Variants in RGS3 observed in about 807,000 individuals in gnomAD.
RGS3 encodes the protein regulator of G protein signaling 3.
In RGS3, 80 loss-of-function variants were observed where a neutral mutation model predicts 132.6. The observed-to-expected ratio is 0.60, with a 90% CI of 0.50 to 0.73. The LOEUF (loss-of-function observed/expected upper bound fraction) is 0.73. RGS3 is among the 30% of genes least tolerant of loss of function. RGS3 has a pLI of 0.00. For synonymous variants in RGS3, 598 were observed against 620.6 expected, an observed-to-expected ratio of 0.96 and a Z score of 0.54; for missense variants, 1,382 against 1,530.8, an observed-to-expected ratio of 0.90 and a Z score of 1.62.
rs997988415 is a variant in RGS3 at position 113,547,354 on chromosome 9, T to G, written c.2037+10436T>G. Among the ~76,000 whole-genome samples the G allele has an allele frequency of 2.0e-5, 3 of 151,956 alleles. No homozygotes were observed. The South Asian group carries it at 6.2e-4, about 32-fold the overall frequency. The stretch of plus-strand genomic sequence containing the variant: ...ATAGGTATATTTAGACAGAAAGGGG[T>G]CCTCATCACAGACACCCAAATTATG... On this transcript the variant is annotated intron_variant, in intron 19 of 24. Transcript: ENST00000350696.
At chr9:113,477,154 G>A (rs1160234093) in intron 3 of RGS3, among the ~76,000 whole-genome samples, 1 of 152,008 alleles carries the variant, frequency 6.6e-6, no homozygotes, top group Non-Finnish European at 1.5e-5. Context: ...TTCTCCCGGC[G>A]CCTTTCATCC....
upstream of RGS3, among the ~76,000 whole-genome samples, chr9:113,457,180 T>A (rs1829382500): frequency 6.6e-6 from 1 of 152,244 alleles, no homozygotes; most frequent in Admixed American, 6.5e-5. Context: ...ACATTTCCCA[T>A]TGTTCAGTTC....
intron 17 of RGS3, among the ~76,000 whole-genome samples, chr9:113,527,848 A>G (rs1200326550): frequency 6.6e-6 from 1 of 152,180 alleles, no homozygotes; most frequent in Non-Finnish European, 1.5e-5. Context: ...GTATGTGTTA[A>G]GGGTTCTACC....
chr9:113,530,913 G>A (rs553983593), intron 18 of RGS3, among the ~76,000 whole-genome samples: 4 of 152,168 alleles, frequency 2.6e-5, no homozygotes, highest in Non-Finnish European at 5.9e-5. Context: ...CTCTTAACAT[G>A]GGTGGTTTTG....
chr9:113,596,848 G>A, exon 25 of RGS3: 2 of 1,613,870 alleles, frequency 1.2e-6, no homozygotes, highest in East Asian at 2.2e-5. Context: ...ACCTGGCACA[G>A]AAGCGCATCT....
intron 3 of RGS3, among the ~76,000 whole-genome samples, chr9:113,465,874 G>A (rs1463328711): frequency 1.3e-5 from 2 of 152,182 alleles, no homozygotes; most frequent in African/African-American, 2.4e-5. Flanking sequence ...ATTCTCTCCT[G>A]TTTCCTGCAC....
intron 3 of RGS3, among the ~76,000 whole-genome samples, chr9:113,475,783 T>TG (rs140448594): frequency 3.3e-3 from 494 of 151,386 alleles, no homozygotes; most frequent in African/African-American, 8.7e-3. Flanking sequence ...GGAGGTTGGG[T>TG]GGGGGGGGTG....
Position 113,463,784 on chromosome 9 carries a change from C to A in RGS3, c.415+1583C>A. 4 of 1,601,726 alleles carry A rather than the reference C, an allele frequency of 2.5e-6. No individual in the cohort carries two copies. Among genetic ancestry groups the A allele is most frequent in the Non-Finnish European group, 3.4e-6 (4 of 1,175,076 alleles). ...GCCTCGGGTTGCAGACGCTCCTGTC[C>A]GGGTCGCAGTGGGACGCCATGGAGC... On this transcript the variant is annotated intron_variant, in intron 3 of 24. Coordinates refer to ENST00000350696, the Ensembl canonical transcript of RGS3. The surrounding 1 kb of genome is among the most constrained non-coding windows in gnomAD (Gnocchi z 4.6).
chr9:113,528,302 G>T (rs1364904463), intron 17 of RGS3, among the ~76,000 whole-genome samples: 1 of 152,226 alleles, frequency 6.6e-6, no homozygotes, highest in African/African-American at 2.4e-5. Flanking sequence ...AGTGACCTAA[G>T]CGGGAGTGCT....
chr9:113,480,810 C>A (rs1402582066), intron 4 of RGS3, among the ~76,000 whole-genome samples: 2 of 152,218 alleles, frequency 1.3e-5, no homozygotes, highest in African/African-American at 4.8e-5. Flanking sequence ...TTTGTCTGTC[C>A]ATGTGTCCAT....
chr9:113,513,923 G>C (rs1194478017), intron 14 of RGS3, among the ~76,000 whole-genome samples: 1 of 152,180 alleles, frequency 6.6e-6, no homozygotes, highest in East Asian at 1.9e-4. Context: ...GTGGGGCAGG[G>C]AGGGAGGAAA....
At position 113,596,880 on chromosome 9, in the gene RGS3, C is replaced by T; in HGVS notation, c.3524C>T (p.Ser1175Leu). ...ATCTTCGGGCTCATGGAAAAGGACT[C>T]GTACCCTCGCTTTCTCCGTTCTGAC... Residue 1175 changes from serine (S) to leucine (L), a missense_variant, in exon 25 of 25, where the codon TCG becomes TTG. Transcript: ENST00000350696. 2.5e-6 allele frequency: 4 copies of T among 1,613,854 alleles called. No individual in the cohort carries two copies. Among genetic ancestry groups the T allele is most frequent in the Non-Finnish European group, 3.4e-6 (4 of 1,179,992 alleles).
rs550086078 is a variant in RGS3 at position 113,512,526 on chromosome 9, T to G, written c.1478-1932T>G. ...GTCAACTTGTTTTTCTTACCTTGCT[T>G]GGTGAGAAGGGGCTGGGGGTGGGAG... On this transcript the variant is annotated intron_variant, in intron 14 of 24. Transcript: ENST00000350696. Among the ~76,000 whole-genome samples the G allele has an allele frequency of 7.9e-5, 12 of 151,938 alleles. No individual in the cohort carries two copies. The South Asian group carries it at 2.3e-3, about 29-fold the overall frequency.
upstream of RGS3, chr9:113,460,198 A>T: frequency 1.6e-6 from 2 of 1,218,822 alleles, no homozygotes; most frequent in Non-Finnish European, 2.1e-6. Context: ...TTTGAGGATA[A>T]ATTTCACCTT....
rs969750761 is a variant in RGS3, at chr9:113,514,383, C to A, written c.1478-75C>A. ...GGTTGTTGACGGAATGAGTCCGTGTCCCCTGTTTCTACAGAGGGGACACCT... is the reference window on the plus strand; with the variant it reads ...GGTTGTTGACGGAATGAGTCCGTGTACCCTGTTTCTACAGAGGGGACACCT... On this transcript the variant is annotated intron_variant, in intron 14 of 24. Coordinates refer to ENST00000350696, the Ensembl canonical transcript of RGS3. 8 of 1,327,982 alleles carry A rather than the reference C, an allele frequency of 6.0e-6. No individual in the cohort carries two copies. In the East Asian group the frequency reaches 1.2e-4, roughly 19 times the overall value. The allele number at this position is 1,327,982 out of a possible 1,614,324, so 82.3% of individuals were successfully genotyped here. A position where few individuals can be genotyped will look rare whatever the true frequency, so the allele number is the denominator to read the frequency against.
intron 14 of RGS3, among the ~76,000 whole-genome samples, chr9:113,511,733 G>A (rs932208637): frequency 9.9e-5 from 15 of 152,144 alleles, no homozygotes; most frequent in African/African-American, 3.4e-4. Context: ...CGAGACTGGG[G>A]GCCCAGGACC....
intron 19 of RGS3, chr9:113,580,522 G>C (rs1477554036): frequency 6.6e-6 from 1 of 152,270 alleles, no homozygotes; most frequent in African/African-American, 2.4e-5. Context: ...ATGAGGAAAC[G>C]GAGGCTCTGA....
At chr9:113,560,762 A>G (rs1833751028) in intron 19 of RGS3, among the ~76,000 whole-genome samples, 2 of 152,206 alleles carry the variant, frequency 1.3e-5, no homozygotes, top group Non-Finnish European at 2.9e-5. Context: ...TAGCAGATTC[A>G]AAGCTTGGAC....
chr9:113,517,393 G>A, intron 15 of RGS3, 148 bp from the exon 14 acceptor site: 2 of 713,628 alleles, frequency 2.8e-6, no homozygotes, highest in Non-Finnish European at 5.1e-6. Flanking sequence ...ATGAGGGGGT[G>A]TGTGGGTTCT....
Sources: allele counts gnomAD v4.1 joint callset (sites outside exome capture counted in the v4.1 genomes callset), GRCh38; gene constraint gnomAD v4.1.1; non-coding constraint Gnocchi (gnomAD v3.1); transcripts MANE v1.5; gene names NCBI Gene and HGNC (gene_info 2026-07-23, HGNC 2026-07-21).